The following RYR1 variants were observed in gnomAD, a reference collection of about 807,000 sequenced individuals.
RYR1 encodes ryanodine receptor 1.
Under a neutral mutation model 583.5 loss-of-function variants are expected in RYR1, and 342 were observed. The observed-to-expected ratio is 0.59, with a 90% confidence interval of 0.54 to 0.64. RYR1 has a LOEUF of 0.64. RYR1 is among the 30% of genes least tolerant of loss of function. RYR1 has a pLI of 0.00. For missense variants in RYR1, 6,032 were observed against 6,917.2 expected, an observed-to-expected ratio of 0.87 and a Z score of 4.54; for synonymous variants, 2,791 against 2,822.5, an observed-to-expected ratio of 0.99 and a Z score of 0.35.
At chr19:38,437,155 A>G (rs1237096627) in intron 1 of RYR1, among the ~76,000 whole-genome samples, 1 of 151,330 alleles carries the variant, frequency 6.6e-6, no homozygotes, top group Admixed American at 6.6e-5. Flanking sequence ...GGTTCAAGCG[A>G]TTCTCCTGTC....
intron 76 of RYR1, among the ~76,000 whole-genome samples, chr19:38,532,249 G>A (rs1376596200): frequency 6.6e-6 from 1 of 151,868 alleles, no homozygotes; most frequent in African/African-American, 2.4e-5. Flanking sequence ...AGCCTCCCGA[G>A]TAGCTGGGAT....
chr19:38,463,998 C>G, intron 22 of RYR1, 148 bp downstream of exon 22: 1 of 702,022 alleles, frequency 1.4e-6, no homozygotes. Context: ...GGGGAGTGGC[C>G]GGGCACGGTG....
At position 38,499,500 on chromosome 19, in the gene RYR1, T is replaced by C. The variant is rs1285654515; in HGVS notation, c.7028-135T>C. Reference sequence around the variant, plus strand: ...GGTCCTGGGGCTGGCAGGGGCCTGGTGTTACCTCTGGAGGTGTTGGGTCCT... The same window carrying C: ...GGTCCTGGGGCTGGCAGGGGCCTGGCGTTACCTCTGGAGGTGTTGGGTCCT... On this transcript the variant is annotated intron_variant, in intron 43 of 105. Coordinates refer to ENST00000359596, the MANE Select transcript of RYR1 (RefSeq NM_000540.3). This position sits in a 1 kb window ranked among gnomAD's most constrained non-coding sequence, Gnocchi z 7.3. The C allele has an allele frequency of 7.5e-6, 8 of 1,068,934 alleles. No individual in the cohort carries two copies. The highest frequency in any genetic ancestry group is 1.6e-5 in the African/African-American group (1 of 60,962). 66.2% of individuals were successfully genotyped at this position (1,068,934 alleles called of 1,614,324 possible). A position where few individuals can be genotyped will look rare whatever the true frequency, so the allele number is the denominator to read the frequency against.
intron 63 of RYR1, among the ~76,000 whole-genome samples, chr19:38,514,287 T>TTC (rs1288737964): frequency 6.6e-6 from 1 of 150,590 alleles, no homozygotes. Context: ...TTTTAATTTT[T>TTC]TTTTTTTTTT....
chr19:38,542,357 A>G (rs1461397004), intron 84 of RYR1, among the ~76,000 whole-genome samples: 3 of 152,146 alleles, frequency 2.0e-5, no homozygotes. Context: ...GGAATTTGAT[A>G]AAATTGTTTG....
At chr19:38,505,467 A>C in intron 53 of RYR1, 69 bp downstream of exon 53, 1 of 1,129,640 alleles carries the variant, frequency 8.9e-7, no homozygotes, top group South Asian at 1.3e-5. Flanking sequence ...TTCGGGGAGG[A>C]GTGAGGCAAT....
At chr19:38,583,297 CAAAAAA>C (rs1195725551) in intron 101 of RYR1, among the ~76,000 whole-genome samples, 2 of 67,552 alleles carry the variant, frequency 3.0e-5, no homozygotes, top group African/African-American at 1.0e-4. Flanking sequence ...AACTCCATCT[CAAAAAA>C]AAAAAAAAAA....
rs1973521658 is a variant in RYR1 at position 38,567,925 on chromosome 19, T to A, written c.13659+8T>A. Reference sequence around the variant, plus strand: ...CAGAGGGTGAAGTTCCTGGTAAGGATCCAGCCAGGTCACCTGAACCTTCTT... The same window carrying A: ...CAGAGGGTGAAGTTCCTGGTAAGGAACCAGCCAGGTCACCTGAACCTTCTT... On this transcript the variant is annotated splice_region_variant and intron_variant, in intron 93 of 105. Transcript: ENST00000359596. 3 of 1,612,792 alleles carry A rather than the reference T, an allele frequency of 1.9e-6. No homozygotes were observed. The highest frequency in any genetic ancestry group is 4.5e-5 in the East Asian group (2 of 44,854).
chr19:38,434,608 G>T (rs975014412), intron 1 of RYR1, among the ~76,000 whole-genome samples: 8 of 152,134 alleles, frequency 5.3e-5, no homozygotes, highest in Non-Finnish European at 1.2e-4. Context: ...AGCCCCAGCT[G>T]GGGGCAGGGA....
intron 11 of RYR1, among the ~76,000 whole-genome samples, chr19:38,449,468 A>G (rs1246124858): frequency 1.3e-5 from 2 of 152,238 alleles, no homozygotes; most frequent in Non-Finnish European, 2.9e-5. Context: ...TCTCAGAAAA[A>G]CAAAAACAAA....
At chr19:38,473,102 G>A (rs1015098314) in intron 27 of RYR1, among the ~76,000 whole-genome samples, 1 of 151,906 alleles carries the variant, frequency 6.6e-6, no homozygotes, top group Non-Finnish European at 1.5e-5. Context: ...ATGTAGGGAG[G>A]TTTTGGAAGT....
At chr19:38,546,028 G>A (rs994091016) in intron 87 of RYR1, among the ~76,000 whole-genome samples, 10 of 152,096 alleles carry the variant, frequency 6.6e-5, no homozygotes, top group African/African-American at 2.4e-4. Context: ...TCCCACTCTT[G>A]CCATCACACA....
chr19:38,446,395 C>T (rs1163756055), intron 7 of RYR1, 77 bp from the exon 8 acceptor site: 1 of 1,080,448 alleles, frequency 9.3e-7, no homozygotes, highest in Non-Finnish European at 1.4e-6. Flanking sequence ...AGGAGCAGGG[C>T]CCCTGACTTC....
chr19:38,536,809 C>T (rs1204657908), intron 83 of RYR1, 42 bp downstream of exon 83: 2 of 1,607,642 alleles, frequency 1.2e-6, no homozygotes, highest in Non-Finnish European at 8.5e-7. Flanking sequence ...TGCTGTCACC[C>T]ACCCCTCCTA....
rs28933397 is a variant in RYR1 at position 38,500,654 on chromosome 19, C to T, written c.7372C>T (p.Arg2458Cys). Residue 2458 changes from arginine to cysteine, a missense_variant, in exon 46 of 106, where the codon CGC (arginine) becomes TGC (cysteine). Physicochemically the swap from Arg to Cys is radical, Grantham distance 180. Around this residue, in one of 11 missense-constraint regions of RYR1, gnomAD observed 2,627 missense variants for 2,961.3 expected, o/e 0.89. Transcript: ENST00000359596. The surrounding 1 kb of genome is among the most constrained non-coding windows in gnomAD (Gnocchi z 5.9). ...GGCCCTGCGGATCCGCGCCATCCTCCGCTCCCTTGTGCCCTTGGAGGACCT... is the reference window on the plus strand; with the variant it reads ...GGCCCTGCGGATCCGCGCCATCCTCTGCTCCCTTGTGCCCTTGGAGGACCT... ...GEALRIRAIL[R>C]SLVPLEDLVG... 3.7e-6 allele frequency: 6 copies of T among 1,613,860 alleles called. No homozygotes were observed. Among genetic ancestry groups the T allele is most frequent in the Non-Finnish European group, 5.1e-6 (6 of 1,180,034 alleles).
intron 105 of RYR1, 44 bp downstream of exon 105, chr19:38,586,620 C>G: frequency 7.6e-6 from 12 of 1,574,514 alleles, no homozygotes; most frequent in Non-Finnish European, 1.0e-5. Context: ...GACGTGGAGC[C>G]CTTTAACATA....
intron 56 of RYR1, 85 bp from the exon 57 acceptor site, chr19:38,506,744 G>A (rs2145637693): frequency 1.3e-6 from 2 of 1,593,822 alleles, no homozygotes; most frequent in Non-Finnish European, 1.7e-6. Flanking sequence ...CCATAATTAC[G>A]CATGCCGGGC....
At chr19:38,544,837 AG>A (rs1972354717) in intron 87 of RYR1, among the ~76,000 whole-genome samples, 1 of 152,206 alleles carries the variant, frequency 6.6e-6, no homozygotes, top group South Asian at 2.1e-4. Context: ...CATCTAGTCT[AG>A]GTTGCAAAAG....
Position 38,565,616 on chromosome 19 carries a change from G to GAGGCC in RYR1, c.13283_13287dup (p.Gly4430ArgfsTer13), listed in dbSNP as rs1193910122. 7.0e-7 allele frequency: 1 copy of GAGGCC among 1,423,204 alleles called. No individual in the cohort carries two copies. The highest frequency in any genetic ancestry group is 9.1e-7 in the Non-Finnish European group (1 of 1,098,132). 88.2% of individuals were successfully genotyped at this position (1,423,204 alleles called of 1,614,324 possible). A position where few individuals can be genotyped will look rare whatever the true frequency, so the allele number is the denominator to read the frequency against. On this transcript the variant is annotated frameshift_variant, in exon 91 of 106. Transcript: ENST00000359596. LOFTEE classifies it high-confidence loss of function. This position sits in a 1 kb window ranked among gnomAD's most constrained non-coding sequence, Gnocchi z 4.7. Reference sequence around the variant, plus strand: ...TGGAGACGAGGAGGAGGCGGTGCACGAGGCCGGGCCGGGCGGTGCCGACGG... The same window carrying GAGGCC: ...TGGAGACGAGGAGGAGGCGGTGCACGAGGCCAGGCCGGGCCGGGCGGTGCCGACGG...
Sources: gnomAD v4.1 joint callset for allele counts (sites outside exome capture counted in the v4.1 genomes callset) on GRCh38, gnomAD v4.1.1 for gene constraint, gnomAD v4.1.1 regional missense constraint, Gnocchi (gnomAD v3.1) non-coding constraint, MANE v1.5 for transcripts, NCBI Gene and HGNC (gene_info 2026-07-23, HGNC 2026-07-21) for gene names.